The following POU6F2 variants were observed in gnomAD, a reference collection of about 807,000 sequenced individuals.
POU6F2 encodes the protein POU domain, class 6, transcription factor 2.
In POU6F2, 31 loss-of-function variants were observed where a neutral mutation model predicts 71.3. The observed-to-expected ratio is 0.43, with a 90% confidence interval of 0.33 to 0.59. The LOEUF (loss-of-function observed/expected upper bound fraction) is 0.59, where lower values mean the gene tolerates loss of function less well. Among genes scored for constraint, POU6F2 ranks in the 20% least tolerant of loss-of-function variants. The pLI is 0.04. For synonymous variants in POU6F2, 347 were observed against 355.7 expected (o/e 0.98, Z 0.27); for missense variants, 783 against 856.8 (o/e 0.91, Z 1.07).
At chr7:39,143,349 C>T (rs1792546989) in intron 2 of POU6F2, among the ~76,000 whole-genome samples, 1 of 152,090 alleles carries the variant, frequency 6.6e-6, no homozygotes. Context: ...AGGGTTTGGC[C>T]TAATTGAGGA....
chr7:39,051,039 A>G (rs1456653041), intron 1 of POU6F2, among the ~76,000 whole-genome samples: 1 of 152,066 alleles, frequency 6.6e-6, no homozygotes, highest in Non-Finnish European at 1.5e-5. Context: ...CAGCATCTTG[A>G]ATTATTCACT....
chr7:39,241,477 C>T lies in POU6F2; in HGVS notation c.598+33857C>T, dbSNP rs28755939. Among the ~76,000 whole-genome samples the T allele has an allele frequency of 6.6e-3, 999 of 152,190 alleles. 11 individuals carry two copies. The highest frequency in any genetic ancestry group is 0.023 in the African/African-American group (957 of 41,510). Reference sequence around the variant, plus strand: ...GTGCTGGTGTGGTGAAGGTGTCACTCGGATAGTGGCACATGGCCTGAACTT... The same window carrying T: ...GTGCTGGTGTGGTGAAGGTGTCACTTGGATAGTGGCACATGGCCTGAACTT... On this transcript the variant is annotated intron_variant, in intron 4 of 9. Coordinates refer to ENST00000518318, the MANE Select transcript of POU6F2 (RefSeq NM_001370959.1).
chr7:39,361,111 CCTCA>C (rs1195255332), intron 5 of POU6F2, among the ~76,000 whole-genome samples: 1 of 152,098 alleles, frequency 6.6e-6, no homozygotes, highest in Admixed American at 6.5e-5. Flanking sequence ...CTAATGAAGC[CCTCA>C]CTGTCTATTT....
At chr7:39,415,170 C>A (rs775283926) in intron 6 of POU6F2, among the ~76,000 whole-genome samples, 20 of 151,964 alleles carry the variant, frequency 1.3e-4, no homozygotes, top group Non-Finnish European at 2.1e-4. Flanking sequence ...ATTACAGGCG[C>A]ACACCACCAC....
At position 39,467,543 on chromosome 7, in the gene POU6F2, G is replaced by A. The variant is rs779326009; in HGVS notation, c.*2857G>A. Reference sequence around the variant, plus strand: ...TTTTCTCACATAATTTTTAATTATTGTTATCTGCATTTTCATTACTTCATG... The same window carrying A: ...TTTTCTCACATAATTTTTAATTATTATTATCTGCATTTTCATTACTTCATG... On this transcript the variant is annotated 3_prime_UTR_variant, in exon 10 of 10. Transcript: ENST00000518318. 6.6e-6 allele frequency: 1 copy of A among 152,144 alleles called. No homozygotes were observed. The highest frequency in any genetic ancestry group is 6.5e-5 in the Admixed American group (1 of 15,280). The allele number at this position is 152,144 out of a possible 1,614,324, so 9.4% of individuals were successfully genotyped here.
intron 2 of POU6F2, among the ~76,000 whole-genome samples, chr7:39,173,652 C>T (rs1470936799): frequency 6.6e-6 from 1 of 152,232 alleles, no homozygotes; most frequent in Non-Finnish European, 1.5e-5. Flanking sequence ...ACTAACATTT[C>T]ACCCATAGCC....
At chr7:39,059,503 TAAA>T (rs11407203) in intron 1 of POU6F2, among the ~76,000 whole-genome samples, 2 of 138,098 alleles carry the variant, frequency 1.4e-5, no homozygotes. Context: ...TGTCTGTAAT[TAAA>T]AAAAAAAAAA....
At chr7:39,046,633 G>A (rs1381007688) in intron 1 of POU6F2, among the ~76,000 whole-genome samples, 1 of 151,850 alleles carries the variant, frequency 6.6e-6, no homozygotes, top group African/African-American at 2.4e-5. Flanking sequence ...ATAATTCTTT[G>A]TCATGGGAGC....
chr7:39,271,083 C>T (rs113241555), intron 4 of POU6F2, among the ~76,000 whole-genome samples: 1 of 152,268 alleles, frequency 6.6e-6, no homozygotes, highest in African/African-American at 2.4e-5. Flanking sequence ...GACCCAACCA[C>T]GACCAGCAGC....
At chr7:39,343,607 T>G (rs1338088999) in intron 5 of POU6F2, among the ~76,000 whole-genome samples, 2 of 152,116 alleles carry the variant, frequency 1.3e-5, no homozygotes, top group Non-Finnish European at 2.9e-5. Flanking sequence ...ATATTCCCTC[T>G]TGAGTGGTCT....
At chr7:39,036,108 G>A (rs1790057986) in intron 1 of POU6F2, among the ~76,000 whole-genome samples, 1 of 152,098 alleles carries the variant, frequency 6.6e-6, no homozygotes, top group Non-Finnish European at 1.5e-5. Flanking sequence ...CAGCTCATTT[G>A]CAAGGAGTAC....
intron 5 of POU6F2, chr7:39,406,306 CCCAGAAGGTCCTAA>C (rs1032968466): frequency 1.3e-5 from 5 of 388,634 alleles, no homozygotes; most frequent in Non-Finnish European, 1.9e-5. Flanking sequence ...ATTTCTCCAC[CCCAGAAGGTCCTAA>C]CAGCCCACCT....
At chr7:39,337,204 C>T (rs17686557) in intron 4 of POU6F2, among the ~76,000 whole-genome samples, 27,726 of 152,218 alleles carry the variant, frequency 0.18, 2,763 homozygotes, top group Admixed American at 0.25. Flanking sequence ...TTTCAAGACA[C>T]GGCTTTACCG....
At chr7:39,230,389 G>A (rs910138642) in intron 4 of POU6F2, among the ~76,000 whole-genome samples, 12 of 151,806 alleles carry the variant, frequency 7.9e-5, no homozygotes, top group African/African-American at 2.4e-4. Flanking sequence ...GGAGACTGAG[G>A]CAAAGGACCA....
intron 4 of POU6F2, among the ~76,000 whole-genome samples, chr7:39,256,758 C>T (rs897532493): frequency 1.3e-5 from 2 of 152,114 alleles, no homozygotes; most frequent in African/African-American, 2.4e-5. Flanking sequence ...GGCCCAGCCG[C>T]TGCTGCCTTT....
chr7:39,366,135 A>G (rs1786495515), intron 5 of POU6F2, among the ~76,000 whole-genome samples: 1 of 152,192 alleles, frequency 6.6e-6, no homozygotes, highest in African/African-American at 2.4e-5. Flanking sequence ...CAGTTGTTTC[A>G]CCATTGGAGT....
At chr7:39,315,886 A>C (rs1190081815) in intron 4 of POU6F2, among the ~76,000 whole-genome samples, 6 of 152,258 alleles carry the variant, frequency 3.9e-5, no homozygotes, top group Non-Finnish European at 8.8e-5. Context: ...AAAAGATCTA[A>C]GATTTAGTTA....
At chr7:39,295,653 C>T (rs1409861151) in intron 4 of POU6F2, among the ~76,000 whole-genome samples, 1 of 152,276 alleles carries the variant, frequency 6.6e-6, no homozygotes, top group East Asian at 1.9e-4. Flanking sequence ...AGAGTGGCAG[C>T]TCAAACCTAG....
At chr7:39,416,849 A>C (rs1198628218) in intron 6 of POU6F2, among the ~76,000 whole-genome samples, 1 of 152,114 alleles carries the variant, frequency 6.6e-6, no homozygotes, top group African/African-American at 2.4e-5. Flanking sequence ...GAAATGTTGT[A>C]ATTAAGGGGG....
Sources: gnomAD v4.1 joint callset for allele counts (sites outside exome capture counted in the v4.1 genomes callset) on GRCh38, gnomAD v4.1.1 for gene constraint, MANE v1.5 for transcripts, NCBI Gene and HGNC (gene_info 2026-07-23, HGNC 2026-07-21) for gene names.